UGT2A3: variants seen among roughly 807,000 people sequenced by gnomAD.
UGT2A3 encodes the protein UDP glucuronosyltransferase family 2 member A3, also known as UDP-glucuronosyltransferase 2A3.
UGT2A3 carries 55 observed loss-of-function variants against 44.1 expected under a neutral mutation model. That is an observed-to-expected ratio of 1.25 (90% CI 1.00 to 1.56). UGT2A3 has a LOEUF of 1.56. UGT2A3 is among the 40% of genes most tolerant of loss of function. The probability of loss-of-function intolerance (pLI) is 0.00; values close to 1 mark genes in which losing one functional copy is unlikely to be tolerated. For missense variants in UGT2A3, 733 were observed against 621.6 expected, an observed-to-expected ratio of 1.18 and a Z score of -1.91; for synonymous variants, 243 against 215.1, an observed-to-expected ratio of 1.13 and a Z score of -1.13.
chr4:68,934,450 T>C (rs867691994), intron 2 of UGT2A3, among the ~76,000 whole-genome samples: 87 of 152,098 alleles, frequency 5.7e-4, no homozygotes, highest in African/African-American at 2.0e-3. Flanking sequence ...AAATACTATA[T>C]GGAAAATCAG....
intron 5 of UGT2A3, among the ~76,000 whole-genome samples, 184 bp from the exon 6 acceptor site, chr4:68,930,276 G>A (rs1295122195): frequency 6.6e-6 from 1 of 152,058 alleles, no homozygotes; most frequent in East Asian, 1.9e-4. Context: ...GAGACTGAAA[G>A]AGTATATTCT....
Position 68,951,721 on chromosome 4 carries a change from G to T in UGT2A3, c.40C>A (p.Gln14Lys). 2 of 1,605,314 alleles carry T rather than the reference G, an allele frequency of 1.2e-6. No individual in the cohort carries two copies. The change falls in exon 1 of 6, where the codon CAG becomes AAG. Residue 14 changes from glutamine (Q) to lysine (K), a missense_variant. Physicochemically the swap from Gln to Lys is moderately conservative, Grantham distance 53 (BLOSUM62 1). Transcript: ENST00000251566. The stretch of plus-strand genomic sequence containing the variant: ...AATCCACAGCCAACACAGAAGAGCT[G>T]CAGGAGCAGAAATACCAAAGCTGAC... ...DKSALVFLLLQLFCVGCGFCG... is the reference protein window; with the variant it reads ...DKSALVFLLLKLFCVGCGFCG...
At chr4:68,932,511 G>T in intron 3 of UGT2A3, 117 bp downstream of exon 3, 1 of 1,230,304 alleles carries the variant, frequency 8.1e-7, no homozygotes, top group Non-Finnish European at 1.1e-6. Context: ...CTACTATAAT[G>T]TTTTGCAAAT....
intron 2 of UGT2A3, among the ~76,000 whole-genome samples, chr4:68,938,679 C>T (rs991618915): frequency 2.0e-5 from 3 of 152,122 alleles, no homozygotes; most frequent in African/African-American, 7.2e-5. Flanking sequence ...TCCTATTCAA[C>T]ACAGCATTGG....
At position 68,930,078 on chromosome 4, in the gene UGT2A3, G is replaced by A. The variant is rs771241718; in HGVS notation, c.1319C>T (p.Ala440Val). 3.9e-5 allele frequency: 62 copies of A among 1,609,772 alleles called. No individual in the cohort carries two copies. Among genetic ancestry groups the A allele is most frequent in the Non-Finnish European group, 4.8e-5 (57 of 1,178,082 alleles). Residue 440 changes from alanine (A) to valine (V), a missense_variant, in exon 6 of 6, where the codon GCT (alanine) becomes GTT (valine). Ala to Val is a moderately conservative substitution (Grantham distance 64, BLOSUM62 0). Transcript: ENST00000251566. ...ATGGTGAATTCTTGATAATCTCATA[G>A]CATTCTCTTTATAACTGGAAGGGAA... is the stretch of plus-strand genomic sequence containing the variant. ...VITDSSYKEN[A>V]MRLSRIHHDQ...
At chr4:68,944,236 A>G (rs1467903417) in intron 2 of UGT2A3, among the ~76,000 whole-genome samples, 1 of 151,810 alleles carries the variant, frequency 6.6e-6, no homozygotes, top group Non-Finnish European at 1.5e-5. Flanking sequence ...CATACAAGAG[A>G]CACAGTGGTG....
intron 2 of UGT2A3, among the ~76,000 whole-genome samples, chr4:68,939,308 G>C (rs893163540): frequency 3.3e-5 from 5 of 152,184 alleles, no homozygotes; most frequent in African/African-American, 9.6e-5. Flanking sequence ...ACATTACAAG[G>C]CTGCAGTAAC....
intron 2 of UGT2A3, among the ~76,000 whole-genome samples, chr4:68,934,963 A>G (rs373631404): frequency 6.6e-5 from 10 of 152,010 alleles, no homozygotes; most frequent in African/African-American, 1.9e-4. Flanking sequence ...ATGCCAATAA[A>G]TGGAAAAATC....
At chr4:68,931,374 C>T (rs765350473) in intron 3 of UGT2A3, 132 bp from the exon 4 acceptor site, 17 of 596,912 alleles carry the variant, frequency 2.8e-5, no homozygotes, top group Non-Finnish European at 3.9e-5. Flanking sequence ...GTAGAGCTAC[C>T]GCGTAAAGAC....
chr4:68,937,697 G>T (rs1282334788), intron 2 of UGT2A3, among the ~76,000 whole-genome samples: 1 of 152,040 alleles, frequency 6.6e-6, no homozygotes, highest in Non-Finnish European at 1.5e-5. Context: ...TAGAAGACAA[G>T]AATTAACTAA....
At chr4:68,933,181 T>C (rs1717804253) in intron 2 of UGT2A3, among the ~76,000 whole-genome samples, 1 of 152,042 alleles carries the variant, frequency 6.6e-6, no homozygotes, top group East Asian at 1.9e-4. Context: ...TATTCGAATA[T>C]AAAAATACCA....
chr4:68,935,704 G>A (rs1052371202), intron 2 of UGT2A3, among the ~76,000 whole-genome samples: 2 of 152,000 alleles, frequency 1.3e-5, no homozygotes, highest in African/African-American at 2.4e-5. Context: ...GCTGGATGGA[G>A]AATGACTTTG....
Position 68,951,241 on chromosome 4 carries a change from C to G in UGT2A3, c.520G>C (p.Val174Leu). The part of the protein sequence containing the change: ...VPFVLTLRIS[V>L]GGNMERSCGK... ...CAGCTTCGCTCCATATTGCCTCCTA[C>G]AGAAATTCTAAGTGTGAGCACAAAA... is the stretch of plus-strand genomic sequence containing the variant. Residue 174 changes from valine to leucine, a missense_variant, in exon 1 of 6, where the codon GTA becomes CTA. Transcript: ENST00000251566. The G allele has an allele frequency of 6.2e-7, 1 of 1,611,454 alleles. No homozygotes were observed. The highest frequency in any genetic ancestry group is 8.5e-7 in the Non-Finnish European group (1 of 1,178,818).
intron 4 of UGT2A3, 106 bp from the exon 5 acceptor site, chr4:68,930,871 A>G: frequency 1.0e-6 from 1 of 1,001,640 alleles, no homozygotes; most frequent in East Asian, 2.6e-5. Context: ...TGAAGCGTAC[A>G]GCACTTTCTT....
chr4:68,931,043 G>A (rs1367123953), intron 4 of UGT2A3, 112 bp downstream of exon 4: 3 of 863,540 alleles, frequency 3.5e-6, no homozygotes, highest in Middle Eastern at 2.4e-4. Context: ...CTTCAAAAGA[G>A]TAAGTAAAAT....
chr4:68,947,647 G>C (rs141383289), intron 1 of UGT2A3, among the ~76,000 whole-genome samples: 5 of 151,738 alleles, frequency 3.3e-5, no homozygotes, highest in African/African-American at 1.2e-4. Context: ...ATTAGTAAGA[G>C]CTATAGCCTT....
chr4:68,929,885 G>C lies in UGT2A3; in HGVS notation c.1512C>G (p.Phe504Leu), dbSNP rs1717657463. Residue 504 changes from phenylalanine to leucine, a missense_variant, in exon 6 of 6, where the codon TTC becomes TTG. Coordinates refer to ENST00000251566, the MANE Select transcript of UGT2A3 (RefSeq NM_024743.4). ...AAAATAAAAAACATTTTGTGAACAA[G>C]AATATAGCAGTTGCCACACAGGCCA... ...FLLACVATAI[F>L]LFTKCFLFSC... The C allele has an allele frequency of 6.2e-7, 1 of 1,612,424 alleles. No homozygotes were observed. The highest frequency in any genetic ancestry group is 8.5e-7 in the Non-Finnish European group (1 of 1,178,960).
chr4:68,929,669 C>A lies in UGT2A3; in HGVS notation c.*144G>T. On this transcript the variant is annotated 3_prime_UTR_variant, in exon 6 of 6. Coordinates refer to ENST00000251566, the MANE Select transcript of UGT2A3 (RefSeq NM_024743.4). ...ACGAAAGAATGAGATATACTCACAA[C>A]CTCATGATCGTGGAATTCTAGGCTA... 1.3e-6 allele frequency: 1 copy of A among 745,686 alleles called. No individual in the cohort carries two copies. Among genetic ancestry groups the A allele is most frequent in the Non-Finnish European group, 2.2e-6 (1 of 463,028 alleles). 46.2% of individuals were successfully genotyped at this position (745,686 alleles called of 1,614,324 possible). A position where few individuals can be genotyped will look rare whatever the true frequency, so the allele number is the denominator to read the frequency against.
chr4:68,938,761 T>A (rs1007800971), intron 2 of UGT2A3, among the ~76,000 whole-genome samples: 7 of 152,132 alleles, frequency 4.6e-5, no homozygotes, highest in Non-Finnish European at 5.9e-5. Context: ...TAAGTCAAAT[T>A]GTCCCCGTTT....
Sources: gnomAD v4.1 joint callset for allele counts (sites outside exome capture counted in the v4.1 genomes callset) on GRCh38, gnomAD v4.1.1 for gene constraint, MANE v1.5 for transcripts, NCBI Gene and HGNC (gene_info 2026-07-23, HGNC 2026-07-21) for gene names.